Variants in IFIH1 observed in about 807,000 individuals in gnomAD.
IFIH1 encodes the protein interferon induced with helicase C domain 1.
A neutral mutation model predicts 107.4 loss-of-function variants in IFIH1; 125 were observed. The ratio of observed to expected loss-of-function variants is 1.16; its 90% CI spans 1.01 to 1.35. The LOEUF (loss-of-function observed/expected upper bound fraction) is 1.35. Among genes scored for constraint, IFIH1 ranks in the 40% most tolerant of loss-of-function variants. The pLI is 0.00. For missense variants in IFIH1, 1,333 were observed against 1,213.7 expected (o/e 1.10, Z -1.46); for synonymous variants, 458 against 413.2 (o/e 1.11, Z -1.31).
chr2:162,303,338 A>C (rs1224018299), intron 3 of IFIH1, among the ~76,000 whole-genome samples: 1 of 150,348 alleles, frequency 6.7e-6, no homozygotes, highest in African/African-American at 2.5e-5. Context: ...CTGGTCTTGA[A>C]CTCCTGGCCT....
intron 1 of IFIH1, among the ~76,000 whole-genome samples, chr2:162,314,851 A>G (rs1271207611): frequency 6.6e-6 from 1 of 152,088 alleles, no homozygotes; most frequent in Non-Finnish European, 1.5e-5. Context: ...AAAGGACAAA[A>G]CAGTCTCTGT....
chr2:162,267,152 T>A lies in IFIH1; in HGVS notation c.*48A>T. ...ATAATGAATACATTAATCATAATCA[T>A]ATTAAATGTTTAACTGATAGTATTT... On this transcript the variant is annotated 3_prime_UTR_variant, in exon 16 of 16. Transcript: ENST00000649979. 1 of 1,258,994 alleles carries A rather than the reference T, an allele frequency of 7.9e-7. No individual in the cohort carries two copies. Among genetic ancestry groups the A allele is most frequent in the Non-Finnish European group, 1.1e-6 (1 of 898,020 alleles). The allele number at this position is 1,258,994 out of a possible 1,614,324, so 78.0% of individuals were successfully genotyped here. A position where few individuals can be genotyped will look rare whatever the true frequency, so the allele number is the denominator to read the frequency against.
chr2:162,276,969 A>G (rs778766449), intron 10 of IFIH1, 23 bp from the exon 11 acceptor site: 2 of 1,561,424 alleles, frequency 1.3e-6, no homozygotes, highest in South Asian at 1.2e-5. Flanking sequence ...ATTAGAGTTG[A>G]TATGTTAACA....
intron 9 of IFIH1, 33 bp downstream of exon 9, chr2:162,278,172 A>G (rs4664053): frequency 1.3e-6 from 2 of 1,575,762 alleles, no homozygotes; most frequent in Non-Finnish European, 8.6e-7. Flanking sequence ...TAAACATGGG[A>G]TAAACTAAGT....
chr2:162,277,840 A>C lies in IFIH1; in HGVS notation c.1766-147T>G, dbSNP rs1682729265. The stretch of plus-strand genomic sequence containing the variant: ...AAGTTAAGGCTCAAAATGTGTCCTG[A>C]GCTCTGAAACAGGGCAAGTTTTCCA... On this transcript the variant is annotated intron_variant, in intron 9 of 15. Transcript: ENST00000649979. 5 of 1,003,812 alleles carry C rather than the reference A, an allele frequency of 5.0e-6. No homozygotes were observed. In the South Asian group the frequency reaches 8.9e-5, roughly 18 times the overall value. 62.2% of individuals were successfully genotyped at this position (1,003,812 alleles called of 1,614,324 possible).
At chr2:162,277,011 T>C in intron 10 of IFIH1, 65 bp from the exon 11 acceptor site, 1 of 1,173,574 alleles carries the variant, frequency 8.5e-7, no homozygotes, top group Non-Finnish European at 1.2e-6. Flanking sequence ...AATGTACAGA[T>C]ATATCAAACA....
At chr2:162,302,178 G>T (rs1256321315) in intron 3 of IFIH1, among the ~76,000 whole-genome samples, 1 of 152,090 alleles carries the variant, frequency 6.6e-6, no homozygotes, top group Non-Finnish European at 1.5e-5. Context: ...TGATGGTAGT[G>T]TGTCTTATCC....
chr2:162,287,117 A>G (rs1349454543), intron 5 of IFIH1, among the ~76,000 whole-genome samples: 1 of 151,898 alleles, frequency 6.6e-6, no homozygotes. Flanking sequence ...TAGTAAGTAT[A>G]CAAGTATAAA....
chr2:162,286,628 CT>C (rs1682898454), intron 5 of IFIH1, among the ~76,000 whole-genome samples: 1 of 149,174 alleles, frequency 6.7e-6, no homozygotes, highest in Non-Finnish European at 1.5e-5. Context: ...GAAGAGGAGC[CT>C]TTGGGAGGGT....
rs1484729581 is a variant in IFIH1 at position 162,318,447 on chromosome 2, T to C, written c.-140A>G. 2.8e-6 allele frequency: 2 copies of C among 725,142 alleles called. No homozygotes were observed. The highest frequency in any genetic ancestry group is 3.5e-5 in the African/African-American group (2 of 56,378). 44.9% of individuals were successfully genotyped at this position (725,142 alleles called of 1,614,324 possible). On this transcript the variant is annotated 5_prime_UTR_variant, in exon 1 of 16. Coordinates refer to ENST00000649979, the MANE Select transcript of IFIH1 (RefSeq NM_022168.4). Reference sequence around the variant, plus strand: ...CGCTCTGTGCCTGACAATGACGAGGTTGTCCACAGGGCTCTCAGGCCGGCG... The same window carrying C: ...CGCTCTGTGCCTGACAATGACGAGGCTGTCCACAGGGCTCTCAGGCCGGCG...
At position 162,273,848 on chromosome 2, in the gene IFIH1, A is replaced by G; in HGVS notation, c.2401T>C (p.Cys801Arg). 1 of 1,611,338 alleles carries G rather than the reference A, an allele frequency of 6.2e-7. No individual in the cohort carries two copies. Among genetic ancestry groups the G allele is most frequent in the Non-Finnish European group, 8.5e-7 (1 of 1,178,230 alleles). Reference protein sequence around the residue: ...VAEEGLDIKECNIVIRYGLVT... With the variant: ...VAEEGLDIKERNIVIRYGLVT... ...AGACCATAACGGATAACAATGTTACATTCTTTAATATCCAGACCTTCTTCT... is the reference window on the plus strand; with the variant it reads ...AGACCATAACGGATAACAATGTTACGTTCTTTAATATCCAGACCTTCTTCT... The change falls in exon 12 of 16, where the codon TGT (cysteine) becomes CGT (arginine). Residue 801 changes from cysteine (C) to arginine (R), a missense_variant. Transcript: ENST00000649979.
rs1682776765 is a variant in IFIH1 at position 162,280,001 on chromosome 2, T to A, written c.1636A>T (p.Arg546Ter). 1 of 1,548,036 alleles carries A rather than the reference T, an allele frequency of 6.5e-7. No homozygotes were observed. Among genetic ancestry groups the A allele is most frequent in the Admixed American group, 1.7e-5 (1 of 59,710 alleles). ...CKKFAIADAT[R>*]EDPFKEKLLE... ...ATAAAACATTAAGCCCATACTTCTC[T>A]GGTTGCATCTGCAATGGCAAACTTC... Residue 546 changes from arginine (R) to a stop codon, truncating the protein, a stop_gained, in exon 8 of 16, where the codon AGA becomes TGA. Transcript: ENST00000649979. LOFTEE classifies it high-confidence loss of function.
intron 1 of IFIH1, among the ~76,000 whole-genome samples, chr2:162,317,143 A>G (rs1474000240): frequency 5.3e-5 from 8 of 152,106 alleles, no homozygotes; most frequent in Non-Finnish European, 1.0e-4. Flanking sequence ...ATGCCAGATA[A>G]TAAATATTTT....
chr2:162,276,929 T>C lies in IFIH1; in HGVS notation c.2062A>G (p.Lys688Glu), dbSNP rs1682679958. 2 of 1,602,638 alleles carry C rather than the reference T, an allele frequency of 1.2e-6. No individual in the cohort carries two copies. The highest frequency in any genetic ancestry group is 2.7e-5 in the African/African-American group (2 of 73,992). The change falls in exon 11 of 16, where the codon AAA (lysine) becomes GAA (glutamate). Residue 688 changes from lysine to glutamate, a missense_variant. Physicochemically the swap from Lys to Glu is moderately conservative, Grantham distance 56 (BLOSUM62 1). Coordinates refer to ENST00000649979, the MANE Select transcript of IFIH1 (RefSeq NM_022168.4). ...TATTCTGGGTTTTCAGCCAGCCTTT[T>C]CAACATTTTATTGTTTTCTTTAAGA... Reference protein sequence around the residue: ...TLFFENNKMLKRLAENPEYEN... With the variant: ...TLFFENNKMLERLAENPEYEN...
chr2:162,276,713 T>C lies in IFIH1; in HGVS notation c.2278A>G (p.Ser760Gly). 6.2e-7 allele frequency: 1 copy of C among 1,613,860 alleles called. No individual in the cohort carries two copies. The highest frequency in any genetic ancestry group is 8.5e-7 in the Non-Finnish European group (1 of 1,179,874). Residue 760 changes from serine to glycine, a missense_variant, in exon 11 of 16, where the codon AGC (serine) becomes GGC (glycine). Transcript: ENST00000649979. ...KAHHLIGAGH[S>G]SEFKPMTQNE... ...TGTGTCATGGGTTTGAACTCACTGC[T>C]GTGTCCAGCTCCAATCAGATGGTGG...
intron 4 of IFIH1, among the ~76,000 whole-genome samples, chr2:162,291,183 A>T (rs985850704): frequency 1.3e-5 from 2 of 151,864 alleles, no homozygotes; most frequent in African/African-American, 2.4e-5. Flanking sequence ...CAAAAAAGAA[A>T]ATCAAATAAG....
chr2:162,292,767 G>A (rs1683016599), intron 4 of IFIH1, among the ~76,000 whole-genome samples: 2 of 151,670 alleles, frequency 1.3e-5, no homozygotes, highest in Non-Finnish European at 1.5e-5. Flanking sequence ...TTTTAATTGT[G>A]AAATACTTCA....
At chr2:162,307,670 C>T (rs551827980) in intron 2 of IFIH1, among the ~76,000 whole-genome samples, 2 of 152,076 alleles carry the variant, frequency 1.3e-5, no homozygotes, top group Non-Finnish European at 2.9e-5. Flanking sequence ...AATTTTCTAA[C>T]GTATCATTTT....
intron 8 of IFIH1, 84 bp downstream of exon 8, chr2:162,279,912 G>C (rs2105200227): frequency 1.3e-6 from 1 of 792,068 alleles, no homozygotes; most frequent in Non-Finnish European, 2.1e-6. Flanking sequence ...ATATTTTTCA[G>C]ATGGTCAGTA....
Sources: allele counts gnomAD v4.1 joint callset (sites outside exome capture counted in the v4.1 genomes callset), GRCh38; gene constraint gnomAD v4.1.1; transcripts MANE v1.5; gene names NCBI Gene and HGNC (gene_info 2026-07-23, HGNC 2026-07-21).